PSD3: variants seen among roughly 807,000 people sequenced by gnomAD.
PSD3 encodes the protein PH and SEC7 domain-containing protein 3.
Under a neutral mutation model 105.5 loss-of-function variants are expected in PSD3, and 49 were observed. That is an observed-to-expected ratio of 0.46 (90% CI 0.37 to 0.59). The LOEUF is 0.59. Ranked by LOEUF, PSD3 falls within the 20% of genes least tolerant of loss-of-function variation. The pLI, the probability that PSD3 is intolerant of heterozygous loss-of-function variation, is 0.00. For synonymous variants in PSD3, 557 were observed against 457.8 expected (o/e 1.22, Z -2.77); for missense variants, 1,561 against 1,263.8 (o/e 1.24, Z -3.57).
intron 1 of PSD3, among the ~76,000 whole-genome samples, chr8:19,071,571 C>A (rs779401276): frequency 1.3e-5 from 2 of 152,210 alleles, no homozygotes; most frequent in East Asian, 3.9e-4. Context: ...GCCTGGAAAG[C>A]GGGGAGAAAG....
At chr8:18,898,906 G>C (rs769793191) in intron 2 of PSD3, among the ~76,000 whole-genome samples, 1 of 152,118 alleles carries the variant, frequency 6.6e-6, no homozygotes, top group Non-Finnish European at 1.5e-5. Context: ...GGCACATTCA[G>C]TGTAAATGTA....
chr8:18,562,562 G>A (rs746730789), intron 14 of PSD3, among the ~76,000 whole-genome samples: 1 of 152,118 alleles, frequency 6.6e-6, no homozygotes, highest in Non-Finnish European at 1.5e-5. Context: ...GCTGGACTCA[G>A]GGTTACTCAC....
At chr8:18,555,345 A>G (rs1801007736) in intron 15 of PSD3, among the ~76,000 whole-genome samples, 1 of 152,138 alleles carries the variant, frequency 6.6e-6, no homozygotes, top group Non-Finnish European at 1.5e-5. Context: ...AAAACAAAGG[A>G]GAGGAACAAT....
intron 9 of PSD3, among the ~76,000 whole-genome samples, chr8:18,694,279 G>C (rs962402378): frequency 2.0e-5 from 3 of 152,202 alleles, no homozygotes; most frequent in Non-Finnish European, 4.4e-5. Flanking sequence ...TAAGCCTGTG[G>C]AGAAAACATT....
intron 8 of PSD3, among the ~76,000 whole-genome samples, chr8:18,782,622 C>G (rs899067808): frequency 2.0e-5 from 3 of 152,192 alleles, no homozygotes; most frequent in Admixed American, 2.0e-4. Context: ...AAAAGCAGGT[C>G]AGGAGGACGA....
At chr8:18,736,104 G>A (rs538465552) in intron 9 of PSD3, among the ~76,000 whole-genome samples, 2 of 152,204 alleles carry the variant, frequency 1.3e-5, no homozygotes, top group African/African-American at 2.4e-5. Context: ...CATCTCCTAT[G>A]CTACAGTTTA....
chr8:19,032,649 C>CAAAAA (rs59029468), intron 1 of PSD3, among the ~76,000 whole-genome samples: 3 of 108,280 alleles, frequency 2.8e-5, no homozygotes, highest in Non-Finnish European at 5.7e-5. Context: ...GACTCTGTCT[C>CAAAAA]AAAAAAAAAA....
At chr8:18,990,104 A>G (rs955901571) in intron 1 of PSD3, among the ~76,000 whole-genome samples, 1 of 152,220 alleles carries the variant, frequency 6.6e-6, no homozygotes, top group Non-Finnish European at 1.5e-5. Context: ...ATCCCTGTCC[A>G]AGAAATCTTC....
rs546150050 is a variant in PSD3 at position 19,013,642 on chromosome 8, C to A, written c.-59G>T. 2.4e-3 allele frequency: 3,066 copies of A among 1,275,584 alleles called. 130 individuals carry two copies. The South Asian group carries it at 0.074, about 31-fold the overall frequency. 79.0% of individuals were successfully genotyped at this position (1,275,584 alleles called of 1,614,324 possible). On this transcript the variant is annotated 5_prime_UTR_variant, in exon 1 of 16. Transcript: ENST00000327040. ...GCCGCCGGGCGCTCCGGGGCCGCAG[C>A]CTCAGGGCGCGAGTGCCGGCGGCCA...
chr8:18,821,770 G>A (rs1812744226), intron 4 of PSD3, among the ~76,000 whole-genome samples: 1 of 127,878 alleles, frequency 7.8e-6, no homozygotes, highest in South Asian at 2.6e-4. Context: ...TATACCCATG[G>A]CTTCAAATAA....
chr8:18,968,628 G>A (rs1563472854), intron 1 of PSD3, among the ~76,000 whole-genome samples: 1 of 152,176 alleles, frequency 6.6e-6, no homozygotes, highest in South Asian at 2.1e-4. Context: ...TGTAATCCCA[G>A]CACTTTGGGA....
At chr8:19,037,708 A>G (rs1050775957) in intron 1 of PSD3, among the ~76,000 whole-genome samples, 2 of 152,050 alleles carry the variant, frequency 1.3e-5, no homozygotes, top group African/African-American at 2.4e-5. Flanking sequence ...GGACACTGGT[A>G]CTTCTAGTTT....
At chr8:19,037,887 C>A (rs1827995675) in intron 1 of PSD3, among the ~76,000 whole-genome samples, 2 of 150,518 alleles carry the variant, frequency 1.3e-5, no homozygotes, top group Non-Finnish European at 3.0e-5. Flanking sequence ...CATAATAAAT[C>A]TCTCTACATA....
Position 19,084,132 on chromosome 8 carries a change from T to C in PSD3, c.324+74A>G. On this transcript the variant is annotated intron_variant, in intron 1 of 1. Coordinates refer to the PSD3 transcript ENST00000521475. ...CAGAGGAGAGAACCAACGCCAGAAA[T>C]TGGAGGCCAGGGTGGCACGTCTGTC... The C allele has an allele frequency of 1.1e-5, 4 of 376,906 alleles. No homozygotes were observed. In the East Asian group the frequency reaches 2.9e-4, roughly 27 times the overall value. The allele number at this position is 376,906 out of a possible 1,614,324, so 23.3% of individuals were successfully genotyped here. A position where few individuals can be genotyped will look rare whatever the true frequency, so the allele number is the denominator to read the frequency against.
chr8:18,871,516 T>C, intron 3 of PSD3, 110 bp downstream of exon 3: 1 of 1,383,826 alleles, frequency 7.2e-7, no homozygotes, highest in Non-Finnish European at 9.8e-7. Flanking sequence ...TATTCCATGA[T>C]AACAAGAACC....
chr8:18,918,365 G>A (rs1042263520), intron 2 of PSD3, among the ~76,000 whole-genome samples: 18 of 152,108 alleles, frequency 1.2e-4, no homozygotes, highest in Non-Finnish European at 1.6e-4. Context: ...CCTGACTGAG[G>A]TACAAATTCA....
chr8:19,051,571 C>T (rs189904141), intron 1 of PSD3, among the ~76,000 whole-genome samples: 1 of 152,266 alleles, frequency 6.6e-6, no homozygotes, highest in Admixed American at 6.5e-5. Flanking sequence ...ATTCTTTCTG[C>T]TCCTGGAGTG....
At chr8:18,555,208 C>T (rs1462310816) in intron 15 of PSD3, among the ~76,000 whole-genome samples, 4 of 151,932 alleles carry the variant, frequency 2.6e-5, no homozygotes, top group Non-Finnish European at 4.4e-5. Flanking sequence ...CAGGGCTCAG[C>T]AGAGGAAGTA....
chr8:18,630,526 G>C (rs926151396), intron 11 of PSD3, among the ~76,000 whole-genome samples: 7 of 152,012 alleles, frequency 4.6e-5, no homozygotes, highest in African/African-American at 1.7e-4. Context: ...TCCATTGCTA[G>C]GAAATGAATC....
Sources: gnomAD v4.1 joint callset for allele counts (sites outside exome capture counted in the v4.1 genomes callset) on GRCh38, gnomAD v4.1.1 for gene constraint, MANE v1.5 for transcripts, NCBI Gene and HGNC (gene_info 2026-07-23, HGNC 2026-07-21) for gene names.